Variants in DISP3 observed in about 807,000 individuals in gnomAD.
The protein encoded by DISP3 is protein dispatched homolog 3.
A neutral mutation model predicts 135.3 loss-of-function variants in DISP3; 101 were observed. That is an observed-to-expected ratio of 0.75 (90% CI 0.64 to 0.88). The LOEUF (loss-of-function observed/expected upper bound fraction) is 0.88. Among genes scored for constraint, DISP3 ranks in the 40% least tolerant of loss-of-function variants. The pLI, the probability that DISP3 is intolerant of heterozygous loss-of-function variation, is 0.00. For synonymous variants in DISP3, 856 were observed against 817.0 expected, an observed-to-expected ratio of 1.05 and a Z score of -0.81; for missense variants, 1,713 against 1,878.6, an observed-to-expected ratio of 0.91 and a Z score of 1.63.
rs111831695 is a variant in DISP3 at position 11,508,736 on chromosome 1, A to G, written c.1317-5654A>G. Among the ~76,000 whole-genome samples the G allele has an allele frequency of 2.0e-4, 30 of 152,334 alleles. 1 individual carries two copies. Among genetic ancestry groups the G allele is most frequent in the African/African-American group, 5.3e-4 (22 of 41,564 alleles). Reference sequence around the variant, plus strand: ...CCTGCAATGTGAGGTAAGCACATCAATGGGGAATGGGCTTTCCATCCCCTC... The same window carrying G: ...CCTGCAATGTGAGGTAAGCACATCAGTGGGGAATGGGCTTTCCATCCCCTC... On this transcript the variant is annotated intron_variant, in intron 3 of 20. Coordinates refer to ENST00000294484, the MANE Select transcript of DISP3 (RefSeq NM_020780.2).
intron 3 of DISP3, among the ~76,000 whole-genome samples, chr1:11,503,701 G>C (rs1295296338): frequency 6.6e-6 from 1 of 152,134 alleles, no homozygotes; most frequent in African/African-American, 2.4e-5. Context: ...GACACACCCA[G>C]AGGCAATGCT....
rs74339890 is a variant in DISP3 at position 11,482,569 on chromosome 1, G to A, written c.-4+3197G>A. On this transcript the variant is annotated intron_variant, in intron 1 of 20. Coordinates refer to ENST00000294484, the MANE Select transcript of DISP3 (RefSeq NM_020780.2). ...GTAGGCACCCCAAAATGGTGGGGTG[G>A]TAGTAGTGATGGTTGACAATAACAA... Among the ~76,000 whole-genome samples, 548 of 152,290 alleles carry A rather than the reference G, an allele frequency of 3.6e-3. 3 individuals carry two copies. The highest frequency in any genetic ancestry group is 0.012 in the African/African-American group (484 of 41,574).
intron 5 of DISP3, 62 bp from the exon 6 acceptor site, chr1:11,515,939 T>C (rs992857978): frequency 6.3e-7 from 1 of 1,575,544 alleles, no homozygotes; most frequent in Non-Finnish European, 8.7e-7. Context: ...TAGGGCCAGG[T>C]TGGGCCTAAT....
At chr1:11,534,664 T>A in intron 18 of DISP3, 124 bp downstream of exon 18, 2 of 1,289,078 alleles carry the variant, frequency 1.6e-6, no homozygotes, top group Non-Finnish European at 2.1e-6. Context: ...GGAAACCGGG[T>A]GGCACGGTGG....
chr1:11,532,774 T>A (rs905654850), intron 17 of DISP3, among the ~76,000 whole-genome samples: 4 of 152,220 alleles, frequency 2.6e-5, no homozygotes, highest in Non-Finnish European at 5.9e-5. Flanking sequence ...CTTGGCTCAC[T>A]GCAACCTCCA....
intron 1 of DISP3, among the ~76,000 whole-genome samples, chr1:11,492,678 G>C (rs1467254304): frequency 6.6e-6 from 1 of 152,232 alleles, no homozygotes; most frequent in Admixed American, 6.5e-5. Flanking sequence ...TGTTTCTTAG[G>C]GGGCAGCAGG....
Position 11,531,404 on chromosome 1 carries a change from C to T in DISP3, c.3230-161C>T, listed in dbSNP as rs1160884289. ...GGAGGGGCCCACAGGTCATGTTCCA[C>T]CCCGATGGCAAATGCATGTTGTAGG... On this transcript the variant is annotated intron_variant, in intron 16 of 20. Transcript: ENST00000294484. The surrounding 1 kb of genome is among the most constrained non-coding windows in gnomAD (Gnocchi z 5.2). Among the ~76,000 whole-genome samples, 2 of 152,156 alleles carry T rather than the reference C, an allele frequency of 1.3e-5. No homozygotes were observed. The highest frequency in any genetic ancestry group is 2.9e-5 in the Non-Finnish European group (2 of 68,008).
intron 1 of DISP3, among the ~76,000 whole-genome samples, chr1:11,497,911 A>G (rs1641383730): frequency 6.6e-6 from 1 of 152,184 alleles, no homozygotes; most frequent in Admixed American, 6.5e-5. Flanking sequence ...CTTTGTCTCA[A>G]CAAATATCTG....
chr1:11,528,305 C>T (rs544662279), intron 13 of DISP3, among the ~76,000 whole-genome samples: 51 of 152,180 alleles, frequency 3.4e-4, no homozygotes, highest in Non-Finnish European at 6.2e-4. Context: ...GCATTCTGTG[C>T]TCTCGGGATC....
In DISP3 at chr1:11,519,225, G is replaced by A; in HGVS notation, c.1890-130G>A. ...AGGTGACCAGCTCCCAGAAGTCTGGGGTGCTCATCCTGTGTGTGACGTCAG... is the reference window on the plus strand; with the variant it reads ...AGGTGACCAGCTCCCAGAAGTCTGGAGTGCTCATCCTGTGTGTGACGTCAG... On this transcript the variant is annotated intron_variant, in intron 7 of 20. Coordinates refer to ENST00000294484, the MANE Select transcript of DISP3 (RefSeq NM_020780.2). The surrounding 1 kb of genome is among the most constrained non-coding windows in gnomAD (Gnocchi z 4.3). The A allele has an allele frequency of 8.8e-7, 1 of 1,130,766 alleles. No homozygotes were observed. Among genetic ancestry groups the A allele is most frequent in the Non-Finnish European group, 1.3e-6 (1 of 795,668 alleles). 70.0% of individuals were successfully genotyped at this position (1,130,766 alleles called of 1,614,324 possible).
chr1:11,496,112 T>G (rs185312944), intron 1 of DISP3, among the ~76,000 whole-genome samples: 2 of 149,698 alleles, frequency 1.3e-5, no homozygotes, highest in East Asian at 3.9e-4. Flanking sequence ...TAGATGTGCG[T>G]TTTTTTTTTC....
intron 3 of DISP3, among the ~76,000 whole-genome samples, chr1:11,513,938 G>A (rs574518981): frequency 3.2e-5 from 4 of 124,858 alleles, no homozygotes; most frequent in Non-Finnish European, 6.6e-5. Flanking sequence ...AGTTTGACCA[G>A]CCTGGTTATG....
Position 11,536,547 on chromosome 1 carries a change from G to T in DISP3, c.4040G>T (p.Ser1347Ile), listed in dbSNP as rs1485505504. 1 of 1,612,856 alleles carries T rather than the reference G, an allele frequency of 6.2e-7. No homozygotes were observed. The highest frequency in any genetic ancestry group is 8.5e-7 in the Non-Finnish European group (1 of 1,179,978). The change falls in exon 21 of 21, where the codon AGC becomes ATC. Residue 1347 changes from serine (S) to isoleucine (I), a missense_variant. This residue lies in a region of DISP3 where 1,142 missense variants were observed against 1,384.6 expected (regional missense o/e 0.82). Coordinates refer to ENST00000294484, the MANE Select transcript of DISP3 (RefSeq NM_020780.2). The surrounding 1 kb of genome is among the most constrained non-coding windows in gnomAD (Gnocchi z 4.3). ...GCCCTGCTGGGCATCATGGCGCCCA[G>T]CTCTTTCACTCGGACCCGGACTTCC... ...STALLGIMAP[S>I]SFTRTRTSFL...
At position 11,520,762 on chromosome 1, in the gene DISP3, T is replaced by C; in HGVS notation, c.2276T>C (p.Leu759Pro). The change falls in exon 10 of 21, where the codon CTC (leucine) becomes CCC (proline). Residue 759 changes from leucine to proline, a missense_variant. Leu to Pro is a moderately conservative substitution (Grantham distance 98, BLOSUM62 -3). Around this residue, in one of 2 missense-constraint regions of DISP3, gnomAD observed 1,142 missense variants for 1,384.6 expected, o/e 0.82. Coordinates refer to ENST00000294484, the MANE Select transcript of DISP3 (RefSeq NM_020780.2). This position sits in a 1 kb window ranked among gnomAD's most constrained non-coding sequence, Gnocchi z 4.8. The part of the protein sequence containing the change: ...RLRPASRAPL[L>P]FRPDTNIQVL... ...CGCCCCGCCAGCCGGGCCCCGCTAC[T>C]CTTCCGGCCTGATACCAACATCCAG... The C allele has an allele frequency of 6.2e-7, 1 of 1,613,596 alleles. No individual in the cohort carries two copies. The highest frequency in any genetic ancestry group is 8.5e-7 in the Non-Finnish European group (1 of 1,179,988).
At chr1:11,533,732 C>T (rs1305953274) in intron 17 of DISP3, 1 of 713,772 alleles carries the variant, frequency 1.4e-6, no homozygotes, top group Non-Finnish European at 2.6e-6. Context: ...CACTCAGACA[C>T]GCATGCACAC....
chr1:11,501,144 T>TGGCTTCCCGACCCCC lies in DISP3; in HGVS notation c.153_167dup (p.Arg54_Ser58dup), dbSNP rs745692775. 1.2e-6 allele frequency: 2 copies of TGGCTTCCCGACCCCC among 1,613,776 alleles called. No individual in the cohort carries two copies. The highest frequency in any genetic ancestry group is 2.7e-5 in the African/African-American group (2 of 74,888). ...CAGTGTTGCTGGCGGCACTGGCCCC[T>TGGCTTCCCGACCCCC]GGCTTCCCGACCCCCAGCTTCGGGC... is the stretch of plus-strand genomic sequence containing the variant. On this transcript the variant is annotated inframe_insertion, in exon 2 of 21. Coordinates refer to ENST00000294484, the MANE Select transcript of DISP3 (RefSeq NM_020780.2). The surrounding 1 kb of genome is among the most constrained non-coding windows in gnomAD (Gnocchi z 4.9).
chr1:11,501,489 G>A lies in DISP3; in HGVS notation c.497G>A (p.Arg166Gln), dbSNP rs375851130. 2.2e-4 allele frequency: 349 copies of A among 1,606,342 alleles called. No individual in the cohort carries two copies. In the East Asian group the frequency reaches 3.3e-3, roughly 15 times the overall value. Residue 166 changes from arginine (R) to glutamine (Q), a missense_variant, in exon 2 of 21, where the codon CGG becomes CAG. Arg to Gln is a conservative substitution (Grantham distance 43, BLOSUM62 1). Coordinates refer to ENST00000294484, the MANE Select transcript of DISP3 (RefSeq NM_020780.2). This position sits in a 1 kb window ranked among gnomAD's most constrained non-coding sequence, Gnocchi z 4.9. Reference sequence around the variant, plus strand: ...CAGCTGCATCTCGGCAACCGCTCGCGGCAAGCCTCCCGAGCCCCCCGCGTC... The same window carrying A: ...CAGCTGCATCTCGGCAACCGCTCGCAGCAAGCCTCCCGAGCCCCCCGCGTC... ...LQQLHLGNRS[R>Q]QASRAPRVIP... is the part of the protein sequence containing the mutation.
Position 11,531,577 on chromosome 1 carries a change from C to T in DISP3, c.3242C>T (p.Ser1081Phe). The stretch of plus-strand genomic sequence containing the variant: ...CCTCTCCCCGCAGGCTACAGCATCT[C>T]CTCCTTCCTGCAGATGTTGCACCCT... ...AQCLPSGYSI[S>F]SFLQMLHPEC... is the part of the protein sequence containing the mutation. Residue 1081 changes from serine to phenylalanine, a missense_variant, in exon 17 of 21, where the codon TCC (serine) becomes TTC (phenylalanine). Ser to Phe is a radical substitution (Grantham distance 155). Coordinates refer to ENST00000294484, the MANE Select transcript of DISP3 (RefSeq NM_020780.2). The surrounding 1 kb of genome is among the most constrained non-coding windows in gnomAD (Gnocchi z 5.2). 1 of 1,613,496 alleles carries T rather than the reference C, an allele frequency of 6.2e-7. No homozygotes were observed. The highest frequency in any genetic ancestry group is 8.5e-7 in the Non-Finnish European group (1 of 1,179,968).
chr1:11,525,802 C>T (rs566541508), intron 12 of DISP3, among the ~76,000 whole-genome samples: 10 of 152,174 alleles, frequency 6.6e-5, no homozygotes, highest in Non-Finnish European at 1.5e-4. Flanking sequence ...ATTTGTGTTT[C>T]TTTTCTTTTT....
Sources: gnomAD v4.1 joint callset for allele counts (sites outside exome capture counted in the v4.1 genomes callset) on GRCh38, gnomAD v4.1.1 for gene constraint, gnomAD v4.1.1 regional missense constraint, Gnocchi (gnomAD v3.1) non-coding constraint, MANE v1.5 for transcripts, NCBI Gene and HGNC (gene_info 2026-07-23, HGNC 2026-07-21) for gene names.